Variants in PIP5K1B observed in about 807,000 individuals in gnomAD.
PIP5K1B encodes phosphatidylinositol-4-phosphate 5-kinase type 1 beta, also known as phosphatidylinositol 4-phosphate 5-kinase type-1 beta.
Under a neutral mutation model 67.0 loss-of-function variants are expected in PIP5K1B, and 42 were observed. That is an observed-to-expected ratio of 0.63 (90% CI 0.49 to 0.81). PIP5K1B has a LOEUF of 0.81. PIP5K1B is among the 30% of genes least tolerant of loss of function. The pLI, the probability that PIP5K1B is intolerant of heterozygous loss-of-function variation, is 0.00. For synonymous variants in PIP5K1B, 214 were observed against 231.4 expected, an observed-to-expected ratio of 0.92 and a Z score of 0.68; for missense variants, 459 against 646.3, an observed-to-expected ratio of 0.71 and a Z score of 3.14.
At chr9:68,808,911 T>C (rs574106367) in intron 2 of PIP5K1B, among the ~76,000 whole-genome samples, 29 of 152,328 alleles carry the variant, frequency 1.9e-4, no homozygotes, top group African/African-American at 7.0e-4. Context: ...TCATTTAAAT[T>C]ATTTTCATCA....
rs113368735 is a variant in PIP5K1B, at chr9:68,924,173, G to A, written c.1201+787G>A. On this transcript the variant is annotated intron_variant, in intron 12 of 15. Transcript: ENST00000265382. ...TCCTAGCACTTTGGGAGGCTGAGGC[G>A]GGCAGATCACTTGAAGTCAGGCGTT... Among the ~76,000 whole-genome samples, 1,237 of 149,970 alleles carry A rather than the reference G, an allele frequency of 8.2e-3. 7 individuals are homozygous for A. The highest frequency in any genetic ancestry group is 0.013 in the Non-Finnish European group (879 of 67,590).
At chr9:69,000,812 G>A (rs1374915784) in intron 15 of PIP5K1B, among the ~76,000 whole-genome samples, 6 of 152,046 alleles carry the variant, frequency 3.9e-5, no homozygotes, top group African/African-American at 1.4e-4. Flanking sequence ...AGTTTAGCCC[G>A]TAACAGCTAC....
chr9:68,843,787 C>G (rs1822044310), intron 4 of PIP5K1B, among the ~76,000 whole-genome samples: 2 of 152,172 alleles, frequency 1.3e-5, no homozygotes, highest in African/African-American at 4.8e-5. Flanking sequence ...TGCCAGGTTT[C>G]TTTTACAAGC....
At chr9:68,976,040 AC>A (rs532691713) in intron 14 of PIP5K1B, among the ~76,000 whole-genome samples, 5 of 152,224 alleles carry the variant, frequency 3.3e-5, no homozygotes, top group Non-Finnish European at 7.3e-5. Context: ...ACCCATAACA[AC>A]ATGGCTCTGA....
chr9:68,756,740 A>C lies in PIP5K1B; in HGVS notation c.-86+14083A>C, dbSNP rs568734670. On this transcript the variant is annotated intron_variant, in intron 2 of 15. Transcript: ENST00000265382. ...GCTTAAAATACTTGTATGCATCTCAATCTTTAGAAGAGATTTAGAACAGCA... is the reference window on the plus strand; with the variant it reads ...GCTTAAAATACTTGTATGCATCTCACTCTTTAGAAGAGATTTAGAACAGCA... Among the ~76,000 whole-genome samples, 8 of 152,256 alleles carry C rather than the reference A, an allele frequency of 5.3e-5. No homozygotes were observed. In the South Asian group the frequency reaches 1.7e-3, roughly 32 times the overall value.
intron 14 of PIP5K1B, among the ~76,000 whole-genome samples, chr9:68,990,166 T>C (rs1830297060): frequency 6.6e-6 from 1 of 152,216 alleles, no homozygotes; most frequent in Non-Finnish European, 1.5e-5. Flanking sequence ...ACAGAGGACA[T>C]AACACAGTGC....
intron 6 of PIP5K1B, among the ~76,000 whole-genome samples, chr9:68,882,342 A>G (rs1037933494): frequency 4.6e-5 from 7 of 152,248 alleles, no homozygotes; most frequent in African/African-American, 1.7e-4. Context: ...CCTGTTCAGT[A>G]TCATAATCAC....
intron 2 of PIP5K1B, among the ~76,000 whole-genome samples, chr9:68,787,646 T>C (rs75785084): frequency 2.6e-5 from 4 of 151,922 alleles, no homozygotes; most frequent in African/African-American, 9.7e-5. Context: ...TTTCTTTTTT[T>C]TTCAGAGACA....
At chr9:68,988,444 G>GTTTTTT (rs61373302) in intron 14 of PIP5K1B, among the ~76,000 whole-genome samples, 7 of 110,016 alleles carry the variant, frequency 6.4e-5, no homozygotes, top group East Asian at 3.3e-4. Context: ...TTTTTTTGGG[G>GTTTTTT]TTTTTTTTTT....
At chr9:68,920,033 G>A (rs1020966621) in intron 11 of PIP5K1B, among the ~76,000 whole-genome samples, 1 of 152,182 alleles carries the variant, frequency 6.6e-6, no homozygotes, top group African/African-American at 2.4e-5. Flanking sequence ...ATGATCAGTA[G>A]GGCATTTGAA....
chr9:68,924,896 C>T (rs1042684135), intron 12 of PIP5K1B, among the ~76,000 whole-genome samples: 1 of 152,032 alleles, frequency 6.6e-6, no homozygotes, highest in Non-Finnish European at 1.5e-5. Flanking sequence ...CCAGAGATAT[C>T]CACTGCTAAT....
Position 68,940,805 on chromosome 9 carries a change from A to C in PIP5K1B, c.1502+15A>C. ...TATTCAAACAGGTAATACTTAGTGCAGTCAAATAACCCATCAGGCTGTTAC... is the reference window on the plus strand; with the variant it reads ...TATTCAAACAGGTAATACTTAGTGCCGTCAAATAACCCATCAGGCTGTTAC... On this transcript the variant is annotated intron_variant, in intron 14 of 15. Coordinates refer to ENST00000265382, the MANE Select transcript of PIP5K1B (RefSeq NM_003558.4). 1 of 1,612,344 alleles carries C rather than the reference A, an allele frequency of 6.2e-7. No homozygotes were observed. The highest frequency in any genetic ancestry group is 1.1e-5 in the South Asian group (1 of 91,040).
intron 2 of PIP5K1B, among the ~76,000 whole-genome samples, chr9:68,787,518 T>G (rs1463018437): frequency 6.6e-6 from 1 of 152,244 alleles, no homozygotes; most frequent in African/African-American, 2.4e-5. Flanking sequence ...TTTAAAGATG[T>G]CTCGTAACTC....
intron 11 of PIP5K1B, among the ~76,000 whole-genome samples, chr9:68,920,765 GTC>G (rs763092380): frequency 2.1e-5 from 3 of 145,370 alleles, no homozygotes; most frequent in Non-Finnish European, 4.5e-5. Context: ...TTCCGTCTCT[GTC>G]TCTCTGTCTC....
At chr9:68,981,009 T>C (rs1829859488) in intron 14 of PIP5K1B, among the ~76,000 whole-genome samples, 1 of 152,222 alleles carries the variant, frequency 6.6e-6, no homozygotes, top group African/African-American at 2.4e-5. Context: ...ATAGTCACAA[T>C]ACTATAAACT....
chr9:68,990,182 G>C (rs573344135), intron 14 of PIP5K1B, among the ~76,000 whole-genome samples: 1 of 152,310 alleles, frequency 6.6e-6, no homozygotes, highest in African/African-American at 2.4e-5. Context: ...AGTGCTCTGT[G>C]TTTATGTGGT....
chr9:68,743,228 A>T (rs1277750783), intron 2 of PIP5K1B, among the ~76,000 whole-genome samples: 3 of 150,446 alleles, frequency 2.0e-5, no homozygotes, highest in African/African-American at 7.3e-5. Context: ...TTTTTTTCGA[A>T]ACAGGGTTGT....
At chr9:68,773,671 G>A (rs1387609391) in intron 2 of PIP5K1B, among the ~76,000 whole-genome samples, 3 of 152,202 alleles carry the variant, frequency 2.0e-5, no homozygotes, top group Non-Finnish European at 4.4e-5. Context: ...GTGCAATGGT[G>A]TGATGCCTTT....
At chr9:69,002,253 C>T (rs572652638) in intron 15 of PIP5K1B, among the ~76,000 whole-genome samples, 13 of 152,352 alleles carry the variant, frequency 8.5e-5, no homozygotes, top group Non-Finnish European at 1.3e-4. Context: ...CAAGGCTTCT[C>T]GGTTGAAGCC....
Sources: gnomAD v4.1 joint callset for allele counts (sites outside exome capture counted in the v4.1 genomes callset) on GRCh38, gnomAD v4.1.1 for gene constraint, MANE v1.5 for transcripts, NCBI Gene and HGNC (gene_info 2026-07-23, HGNC 2026-07-21) for gene names.